The following PTGER3 variants were observed in gnomAD, a reference collection of about 807,000 sequenced individuals.
The protein encoded by PTGER3 is prostaglandin E2 receptor EP3 subtype.
Under a neutral mutation model 34.7 loss-of-function variants are expected in PTGER3, and 22 were observed. The ratio of observed to expected loss-of-function variants is 0.63; its 90% CI spans 0.45 to 0.91. The LOEUF (loss-of-function observed/expected upper bound fraction) is 0.91. Ranked by LOEUF, PTGER3 falls within the 40% of genes least tolerant of loss-of-function variation. The pLI is 0.00. For synonymous variants in PTGER3, 241 were observed against 230.1 expected (o/e 1.05, Z -0.43); for missense variants, 468 against 519.4 (o/e 0.90, Z 0.96).
intron 4 of PTGER3, among the ~76,000 whole-genome samples, chr1:70,877,548 G>A (rs1646298692): frequency 1.3e-5 from 2 of 152,152 alleles, no homozygotes; most frequent in Non-Finnish European, 2.9e-5. Flanking sequence ...CAAGGGAAAT[G>A]CTTCCAGCTT....
At chr1:70,857,964 T>A (rs1645845641) in intron 4 of PTGER3, among the ~76,000 whole-genome samples, 1 of 152,208 alleles carries the variant, frequency 6.6e-6, no homozygotes, top group Admixed American at 6.5e-5. Flanking sequence ...GCTTATGTAT[T>A]CTCTTCGTTG....
At chr1:70,917,852 T>C (rs1201828340) in intron 4 of PTGER3, among the ~76,000 whole-genome samples, 1 of 152,076 alleles carries the variant, frequency 6.6e-6, no homozygotes, top group East Asian at 1.9e-4. Context: ...TTTCTTCCAA[T>C]AACTATCTAC....
intron 4 of PTGER3, among the ~76,000 whole-genome samples, chr1:70,940,672 C>T (rs1031709224): frequency 6.6e-6 from 1 of 152,152 alleles, no homozygotes; most frequent in African/African-American, 2.4e-5. Flanking sequence ...GACTTTTTTA[C>T]CATCATGAGA....
intron 4 of PTGER3, chr1:70,865,811 G>A (rs1191799547): frequency 2.2e-6 from 3 of 1,364,804 alleles, no homozygotes; most frequent in East Asian, 4.6e-5. Flanking sequence ...ATCAATCACA[G>A]TAGAGGTGGG....
intron 4 of PTGER3, among the ~76,000 whole-genome samples, chr1:70,901,726 G>A (rs188033802): frequency 2.0e-3 from 301 of 152,246 alleles, no homozygotes; most frequent in Middle Eastern, 3.4e-3. Context: ...AATCATGAAG[G>A]CAACTGTGTA....
At position 71,047,138 on chromosome 1, in the gene PTGER3, A is replaced by G. The variant is rs145566767; in HGVS notation, c.440T>C (p.Ile147Thr). 1 of 1,601,820 alleles carries G rather than the reference A, an allele frequency of 6.2e-7. No homozygotes were observed. Among genetic ancestry groups the G allele is most frequent in the African/African-American group, 1.3e-5 (1 of 74,812 alleles). The change falls in exon 1 of 4, where the codon ATC becomes ACC. Residue 147 changes from isoleucine to threonine, a missense_variant. This residue lies in a region of PTGER3 where 53 missense variants were observed against 93.9 expected (regional missense o/e 0.56). Transcript: ENST00000306666. ...CCGCTCGACGGCCATGGCGCTGGCG[A>G]TGAACAACGAGGAGAGCCCGAAAAC... The part of the protein sequence containing the change: ...MTVFGLSSLF[I>T]ASAMAVERAL...
chr1:70,954,587 T>C (rs1366029966), intron 2 of PTGER3, among the ~76,000 whole-genome samples: 1 of 152,218 alleles, frequency 6.6e-6, no homozygotes, highest in African/African-American at 2.4e-5. Context: ...TTAAATCATT[T>C]ACCCAAATTC....
At chr1:70,897,518 C>T (rs374781119) in intron 4 of PTGER3, among the ~76,000 whole-genome samples, 15 of 152,236 alleles carry the variant, frequency 9.9e-5, no homozygotes, top group African/African-American at 3.6e-4. Context: ...AGCAACTTGA[C>T]CTCAGTTCTT....
chr1:70,973,361 G>GT (rs1218977205), intron 3 of PTGER3, among the ~76,000 whole-genome samples: 1 of 152,028 alleles, frequency 6.6e-6, no homozygotes, highest in African/African-American at 2.4e-5. Flanking sequence ...TTTTTAAGCT[G>GT]TTTTCCAGAA....
chr1:70,894,720 C>G (rs564775448), intron 4 of PTGER3, among the ~76,000 whole-genome samples: 1 of 152,264 alleles, frequency 6.6e-6, no homozygotes, highest in African/African-American at 2.4e-5. Context: ...AAGTCCTCTC[C>G]CCACTCATCC....
intron 4 of PTGER3, among the ~76,000 whole-genome samples, chr1:70,917,393 G>GTATTT (rs1436334399): frequency 3.7e-5 from 5 of 136,502 alleles, no homozygotes; most frequent in African/African-American, 1.1e-4. Flanking sequence ...TGGCTAAATA[G>GTATTT]TATTTTATTT....
rs74682027 is a variant in PTGER3, at chr1:70,961,931, A to G, written c.1078-8142T>C. ...TCTTAGATCCAAATTCCAGCCACAA[A>G]CTCAAAGTTGAGGCACCCTGTAAAT... On this transcript the variant is annotated intron_variant, in intron 2 of 3. Transcript: ENST00000356595. Among the ~76,000 whole-genome samples, 54 of 152,304 alleles carry G rather than the reference A, an allele frequency of 3.5e-4. 1 individual carries two copies. In the East Asian group the frequency reaches 7.3e-3, roughly 21 times the overall value.
chr1:70,899,945 G>A (rs1646801585), intron 4 of PTGER3, among the ~76,000 whole-genome samples: 1 of 152,072 alleles, frequency 6.6e-6, no homozygotes, highest in Admixed American at 6.6e-5. Flanking sequence ...TGCAATGACT[G>A]TAATGGTAGG....
intron 4 of PTGER3, among the ~76,000 whole-genome samples, chr1:70,863,668 GC>G (rs1645977642): frequency 6.6e-6 from 1 of 151,234 alleles, no homozygotes; most frequent in African/African-American, 2.4e-5. Flanking sequence ...AAATATCAAA[GC>G]ACATCACATA....
At chr1:70,908,356 T>G (rs1646993161) in intron 4 of PTGER3, among the ~76,000 whole-genome samples, 1 of 152,210 alleles carries the variant, frequency 6.6e-6, no homozygotes, top group Admixed American at 6.5e-5. Flanking sequence ...TGGATGCCAC[T>G]GCTCTTAGGA....
At chr1:70,993,509 T>C (rs1029174730) in intron 2 of PTGER3, among the ~76,000 whole-genome samples, 1 of 152,202 alleles carries the variant, frequency 6.6e-6, no homozygotes, top group African/African-American at 2.4e-5. Flanking sequence ...CTAACCATGT[T>C]AGGCTCTCCT....
intron 4 of PTGER3, among the ~76,000 whole-genome samples, chr1:70,917,401 T>A (rs1469658757): frequency 3.1e-5 from 3 of 98,130 alleles, no homozygotes; most frequent in South Asian, 3.7e-4. Flanking sequence ...TAGTATTTTA[T>A]TTTGTGTGTG....
In PTGER3 at chr1:70,867,720, A is replaced by G. The variant is rs184796068; in HGVS notation, c.*24-14861T>C. On this transcript the variant is annotated intron_variant, in intron 4 of 4. Transcript: ENST00000370931. ...AGCCTGGGTGACAGAGTAAGACTTC[A>G]TCTAAAAAGAAAAAAAAAAGTCTGG... Among the ~76,000 whole-genome samples, 75 of 152,154 alleles carry G rather than the reference A, an allele frequency of 4.9e-4. No individual in the cohort carries two copies. The East Asian group carries it at 0.011, about 22-fold the overall frequency.
rs762342468 is a variant in PTGER3 at position 70,953,013 on chromosome 1, T to A, written c.1151A>T (p.His384Leu). Residue 384 changes from histidine (H) to leucine (L), a missense_variant, in exon 4 of 4, where the codon CAT becomes CTT. His to Leu is a moderately conservative substitution (Grantham distance 99, BLOSUM62 -3). Coordinates refer to the PTGER3 transcript ENST00000356595. ...ACGATAGGTTTGTACTTGCCCACAA[T>A]GTGCAGTTGCCCTCTGTATCTGAGA... 1.9e-6 allele frequency: 3 copies of A among 1,611,712 alleles called. No homozygotes were observed. Among genetic ancestry groups the A allele is most frequent in the Non-Finnish European group, 2.5e-6 (3 of 1,178,502 alleles).
Sources: gnomAD v4.1 joint callset for allele counts (sites outside exome capture counted in the v4.1 genomes callset) on GRCh38, gnomAD v4.1.1 for gene constraint, gnomAD v4.1.1 regional missense constraint, MANE v1.5 for transcripts, NCBI Gene and HGNC (gene_info 2026-07-23, HGNC 2026-07-21) for gene names.